TG: variants seen among roughly 807,000 people sequenced by gnomAD.
TG encodes the protein thyroid hormones.
A neutral mutation model predicts 324.7 loss-of-function variants in TG; 270 were observed. The observed-to-expected ratio is 0.83, with a 90% CI of 0.75 to 0.92. The LOEUF is 0.92. TG is among the 40% of genes least tolerant of loss of function. The pLI is 0.00. For missense variants in TG, 3,591 were observed against 3,456.4 expected (o/e 1.04, Z -0.98); for synonymous variants, 1,401 against 1,327.0 (o/e 1.06, Z -1.21).
intron 41 of TG, chr8:133,036,873 A>G (rs1837204456): frequency 6.6e-6 from 1 of 152,622 alleles, no homozygotes; most frequent in African/African-American, 2.4e-5. Context: ...ACAACACATA[A>G]GATACTGTGC....
chr8:132,911,229 G>T, intron 18 of TG, 148 bp from the exon 19 acceptor site: 1 of 1,381,442 alleles, frequency 7.2e-7, no homozygotes, highest in African/African-American at 1.4e-5. Flanking sequence ...ATGTGGAAAA[G>T]GGGGTCACTA....
Position 132,900,343 on chromosome 8 carries a change from A to C in TG, c.3433+4A>C, listed in dbSNP as rs1385348346. The C allele has an allele frequency of 6.2e-7, 1 of 1,609,678 alleles. No individual in the cohort carries two copies. Among genetic ancestry groups the C allele is most frequent in the Non-Finnish European group, 8.5e-7 (1 of 1,178,480 alleles). On this transcript the variant is annotated splice_donor_region_variant and intron_variant, in intron 15 of 47. Coordinates refer to ENST00000220616, the MANE Select transcript of TG (RefSeq NM_003235.5). ...GGCTCGAGCAGCAGTGCCCAGTGTG[A>C]GTAGCAGCCCCTCCTGGCATGGCTT...
At chr8:133,086,098 C>A (rs1365049692) in intron 41 of TG, among the ~76,000 whole-genome samples, 2 of 152,172 alleles carry the variant, frequency 1.3e-5, no homozygotes, top group Non-Finnish European at 2.9e-5. Context: ...AGAAGCCAGA[C>A]ACAGAAGGCT....
At chr8:132,928,803 GA>G (rs1472549486) in intron 22 of TG, among the ~76,000 whole-genome samples, 2 of 152,236 alleles carry the variant, frequency 1.3e-5, no homozygotes, top group African/African-American at 4.8e-5. Flanking sequence ...ATGTTAATGA[GA>G]AGAAAATAGT....
rs1414137760 is a variant in TG, at chr8:133,056,064, AC to A, written c.7239+26043del. Among the ~76,000 whole-genome samples the A allele has an allele frequency of 3.3e-5, 5 of 152,200 alleles. No homozygotes were observed. The East Asian group carries it at 9.7e-4, about 29-fold the overall frequency. ...AGGAAGCTGAGTGCCAGGTTTCAAA[AC>A]CAGGTCTCCCTGGGCAGGGCAGGGC... On this transcript the variant is annotated intron_variant, in intron 41 of 47. Coordinates refer to ENST00000220616, the MANE Select transcript of TG (RefSeq NM_003235.5).
At chr8:133,075,922 C>T (rs1844790367) in intron 41 of TG, 2 of 152,022 alleles carry the variant, frequency 1.3e-5, no homozygotes, top group Admixed American at 6.5e-5. Flanking sequence ...TGTTAAAATA[C>T]GTGTGTCTTT....
chr8:132,876,636 T>G (rs1813840794), intron 5 of TG, among the ~76,000 whole-genome samples: 1 of 152,190 alleles, frequency 6.6e-6, no homozygotes, highest in Admixed American at 6.5e-5. Flanking sequence ...GGCTACTGCT[T>G]ACAATATCTG....
At chr8:132,971,769 C>T in intron 32 of TG, 25 bp from the exon 33 acceptor site, 1 of 1,574,734 alleles carries the variant, frequency 6.4e-7, no homozygotes, top group Non-Finnish European at 8.7e-7. Context: ...AACCTTCAGG[C>T]CTGCTCTTTC....
At chr8:132,921,887 A>C (rs879930906) in intron 21 of TG, among the ~76,000 whole-genome samples, 13 of 152,248 alleles carry the variant, frequency 8.5e-5, no homozygotes, top group Non-Finnish European at 1.6e-4. Context: ...ATGGTGAATC[A>C]CATAACCAAT....
chr8:132,935,723 C>A, intron 24 of TG, 33 bp from the exon 25 acceptor site: 1 of 1,541,562 alleles, frequency 6.5e-7, no homozygotes, highest in Non-Finnish European at 9.0e-7. Flanking sequence ...TAAAGTATTG[C>A]AGGATAATAA....
At position 132,923,459 on chromosome 8, in the gene TG, G is replaced by A; in HGVS notation, c.4650G>A (p.Arg1550=). Residue 1550 remains arginine, a synonymous_variant, in exon 22 of 48, where the codon AGG becomes AGA. Transcript: ENST00000220616. ...KAFCVDGEGR[R]LPWWETEAPL... is the part of the protein sequence containing the mutation. Reference sequence around the variant, plus strand: ...TCTGTGTGGACGGCGAGGGGCGGAGGCTGCCATGGTGGGAAACAGAGGCCC... The same window carrying A: ...TCTGTGTGGACGGCGAGGGGCGGAGACTGCCATGGTGGGAAACAGAGGCCC... 1.9e-6 allele frequency: 3 copies of A among 1,614,112 alleles called. No individual in the cohort carries two copies. The highest frequency in any genetic ancestry group is 2.5e-6 in the Non-Finnish European group (3 of 1,180,010).
intron 10 of TG, among the ~76,000 whole-genome samples, chr8:132,892,876 ATG>A (rs1174057724): frequency 2.5e-5 from 3 of 121,918 alleles, no homozygotes; most frequent in Non-Finnish European, 3.4e-5. Flanking sequence ...GCGTGTGTGC[ATG>A]TGTGTGTGGT....
At chr8:133,108,495 C>T (rs1417858420) in intron 43 of TG, among the ~76,000 whole-genome samples, 1 of 152,204 alleles carries the variant, frequency 6.6e-6, no homozygotes, top group East Asian at 1.9e-4. Flanking sequence ...GGTTTCATCT[C>T]ATCTAACTTC....
chr8:133,108,050 T>A (rs1849967125), intron 43 of TG, among the ~76,000 whole-genome samples: 1 of 149,622 alleles, frequency 6.7e-6, no homozygotes, highest in Non-Finnish European at 1.5e-5. Flanking sequence ...GGTGTGATCG[T>A]GGCTCACTGC....
At chr8:133,051,190 A>G (rs1194173511) in intron 41 of TG, among the ~76,000 whole-genome samples, 2 of 152,178 alleles carry the variant, frequency 1.3e-5, no homozygotes, top group African/African-American at 4.8e-5. Context: ...AGGCTGTGAG[A>G]TGAGTCATGG....
intron 41 of TG, among the ~76,000 whole-genome samples, chr8:133,074,155 G>A (rs1483648457): frequency 6.6e-6 from 1 of 152,114 alleles, no homozygotes; most frequent in Non-Finnish European, 1.5e-5. Context: ...CTAACATGCT[G>A]TTTTCAGAAT....
intron 20 of TG, 139 bp from the exon 21 acceptor site, chr8:132,919,237 A>G (rs1318425422): frequency 8.8e-6 from 8 of 908,720 alleles, no homozygotes; most frequent in Middle Eastern, 6.5e-4. Context: ...TCTGACACAC[A>G]GTAGGTTCTC....
intron 45 of TG, among the ~76,000 whole-genome samples, chr8:133,129,902 A>G (rs1851818270): frequency 1.3e-5 from 2 of 152,182 alleles, no homozygotes; most frequent in Admixed American, 6.5e-5. Context: ...GTGTAATTTT[A>G]GGGAACTTGT....
intron 41 of TG, chr8:133,060,018 A>G: frequency 7.1e-7 from 1 of 1,412,318 alleles, no homozygotes; most frequent in Non-Finnish European, 9.5e-7. Context: ...TTAAGTAGTT[A>G]CCGGCATCCA....
Sources: gnomAD v4.1 joint callset for allele counts (sites outside exome capture counted in the v4.1 genomes callset) on GRCh38, gnomAD v4.1.1 for gene constraint, MANE v1.5 for transcripts, NCBI Gene and HGNC (gene_info 2026-07-23, HGNC 2026-07-21) for gene names.